Variants in ADAMTS2 observed in about 807,000 individuals in gnomAD.
ADAMTS2 encodes A disintegrin and metalloproteinase with thrombospondin motifs 2.
In ADAMTS2, 50 loss-of-function variants were observed where a neutral mutation model predicts 123.0. The observed-to-expected ratio is 0.41, with a 90% confidence interval of 0.32 to 0.51. The LOEUF is 0.51. ADAMTS2 is among the 20% of genes least tolerant of loss of function. The pLI is 0.35. For synonymous variants in ADAMTS2, 678 were observed against 695.4 expected, an observed-to-expected ratio of 0.98 and a Z score of 0.39; for missense variants, 1,494 against 1,705.2, an observed-to-expected ratio of 0.88 and a Z score of 2.18.
At chr5:179,273,344 T>C (rs1766600092) in intron 2 of ADAMTS2, among the ~76,000 whole-genome samples, 1 of 152,130 alleles carries the variant, frequency 6.6e-6, no homozygotes, top group African/African-American at 2.4e-5. Context: ...ACTGTGTTTA[T>C]AAAGTCAAAA....
At chr5:179,337,944 A>G (rs1378073760) in intron 2 of ADAMTS2, among the ~76,000 whole-genome samples, 1 of 151,340 alleles carries the variant, frequency 6.6e-6, no homozygotes, top group African/African-American at 2.5e-5. Context: ...CCTGGCCTTC[A>G]CCTCCCAGCT....
rs996443150 is a variant in ADAMTS2 at position 179,303,720 on chromosome 5, G to T, written c.535-30656C>A. Among the ~76,000 whole-genome samples, 2 of 152,232 alleles carry T rather than the reference G, an allele frequency of 1.3e-5. No individual in the cohort carries two copies. Among genetic ancestry groups the T allele is most frequent in the Non-Finnish European group, 2.9e-5 (2 of 68,040 alleles). On this transcript the variant is annotated intron_variant, in intron 2 of 21. Coordinates refer to ENST00000251582, the MANE Select transcript of ADAMTS2 (RefSeq NM_014244.5). The surrounding 1 kb of genome is among the most constrained non-coding windows in gnomAD (Gnocchi z 4.7). Reference sequence around the variant, plus strand: ...ACAGGCACCTAAAACTCTAAGAGGGGAGCCTGGCTGTGTAGCTGGAAGTGC... The same window carrying T: ...ACAGGCACCTAAAACTCTAAGAGGGTAGCCTGGCTGTGTAGCTGGAAGTGC...
At position 179,154,029 on chromosome 5, in the gene ADAMTS2, G is replaced by T. The variant is rs1057524448; in HGVS notation, c.1382+20C>A. 5 of 1,591,234 alleles carry T rather than the reference G, an allele frequency of 3.1e-6. No homozygotes were observed. The African/African-American group carries it at 4.0e-5, about 13-fold the overall frequency. On this transcript the variant is annotated intron_variant, in intron 8 of 21. Coordinates refer to ENST00000251582, the MANE Select transcript of ADAMTS2 (RefSeq NM_014244.5). ...CCAGGGACTGAGGGGTCGCCCACGG[G>T]GCACATGGGCAGTACTCACTGCAGG...
chr5:179,322,240 G>A (rs138911550), intron 2 of ADAMTS2, among the ~76,000 whole-genome samples: 54 of 152,346 alleles, frequency 3.5e-4, no homozygotes, highest in South Asian at 3.5e-3. Context: ...CAGGACTGCC[G>A]GTGCTGGGAA....
At chr5:179,220,483 G>A (rs766242549) in intron 3 of ADAMTS2, among the ~76,000 whole-genome samples, 1 of 152,114 alleles carries the variant, frequency 6.6e-6, no homozygotes, top group Non-Finnish European at 1.5e-5. Flanking sequence ...AAGGTCCAGG[G>A]CCTGCTGCCT....
At chr5:179,190,444 C>T (rs535752066) in intron 4 of ADAMTS2, among the ~76,000 whole-genome samples, 68 of 147,890 alleles carry the variant, frequency 4.6e-4, no homozygotes, top group African/African-American at 1.5e-3. Flanking sequence ...GAAGACACAG[C>T]GTCCGAATAA....
In ADAMTS2 at chr5:179,125,159, C is replaced by T. The variant is rs948056759; in HGVS notation, c.2772G>A (p.Glu924=). The T allele has an allele frequency of 1.2e-6, 2 of 1,612,744 alleles. No individual in the cohort carries two copies. The highest frequency in any genetic ancestry group is 1.3e-5 in the African/African-American group (1 of 75,050). ...SQPVWVTGEW[E]PCSQTCGRTG... is the part of the protein sequence containing the mutation. ...TCCGCCCACAGGTCTGGCTACATGGCTCCCATTCGCCTGTGACCCACCTGC... is the reference window on the plus strand; with the variant it reads ...TCCGCCCACAGGTCTGGCTACATGGTTCCCATTCGCCTGTGACCCACCTGC... Residue 924 remains glutamate (E), a synonymous_variant, in exon 19 of 22, where the codon GAG becomes GAA. Transcript: ENST00000251582.
chr5:179,154,791 C>T, intron 7 of ADAMTS2, 23 bp downstream of exon 7: 1 of 1,586,510 alleles, frequency 6.3e-7, no homozygotes, highest in Non-Finnish European at 8.6e-7. Flanking sequence ...CCTCTGTGCC[C>T]CACCCTTCCC....
chr5:179,175,671 C>T lies in ADAMTS2; in HGVS notation c.975+5401G>A, dbSNP rs1319448133. 2.0e-5 allele frequency among the ~76,000 whole-genome samples: 3 copies of T among 152,230 alleles called. No homozygotes were observed. The highest frequency in any genetic ancestry group is 7.2e-5 in the African/African-American group (3 of 41,456). On this transcript the variant is annotated intron_variant, in intron 5 of 21. Transcript: ENST00000251582. The surrounding 1 kb of genome is among the most constrained non-coding windows in gnomAD (Gnocchi z 4.1). The stretch of plus-strand genomic sequence containing the variant: ...CCACATCACCAGACTCCTCTCCTAA[C>T]TCTACAAGTTGTACCGTGGATTCTT...
At chr5:179,193,266 G>T (rs748799421) in intron 4 of ADAMTS2, among the ~76,000 whole-genome samples, 3 of 152,208 alleles carry the variant, frequency 2.0e-5, no homozygotes, top group Admixed American at 2.0e-4. Flanking sequence ...ATCATGGGCC[G>T]AGTGAACAAC....
Position 179,320,645 on chromosome 5 carries a change from C to T in ADAMTS2, c.534+23122G>A, listed in dbSNP as rs183169531. Among the ~76,000 whole-genome samples the T allele has an allele frequency of 2.2e-3, 342 of 152,246 alleles. 2 individuals are homozygous for T. Among genetic ancestry groups the T allele is most frequent in the African/African-American group, 7.4e-3 (309 of 41,530 alleles). On this transcript the variant is annotated intron_variant, in intron 2 of 21. Transcript: ENST00000251582. ...CCCTTCTCCTTCTGATAGCACAGCC[C>T]CTGTGTCACTCAGGAACCAGCTCTC...
intron 4 of ADAMTS2, among the ~76,000 whole-genome samples, chr5:179,198,713 A>G (rs561501950): frequency 4.6e-5 from 7 of 152,160 alleles, no homozygotes; most frequent in African/African-American, 1.7e-4. Flanking sequence ...ACGTGCCAGT[A>G]GTCCCAGGTA....
At chr5:179,241,247 A>T (rs1329967667) in intron 3 of ADAMTS2, among the ~76,000 whole-genome samples, 1 of 152,204 alleles carries the variant, frequency 6.6e-6, no homozygotes, top group African/African-American at 2.4e-5. Flanking sequence ...GTTGCCAGGG[A>T]CAGAGTGCAA....
In ADAMTS2 at chr5:179,132,515, G is replaced by A. The variant is rs988392380; in HGVS notation, c.2210-205C>T. Among the ~76,000 whole-genome samples the A allele has an allele frequency of 1.6e-4, 24 of 152,206 alleles. No homozygotes were observed. The highest frequency in any genetic ancestry group is 4.1e-4 in the African/African-American group (17 of 41,534). ...CAGGCTAGTCTTTAAGGCCCAACCC[G>A]GGCATCCTCATATACTGGCATTCTC... On this transcript the variant is annotated intron_variant, in intron 14 of 21. Coordinates refer to ENST00000251582, the MANE Select transcript of ADAMTS2 (RefSeq NM_014244.5). This position sits in a 1 kb window ranked among gnomAD's most constrained non-coding sequence, Gnocchi z 6.1.
In ADAMTS2 at chr5:179,314,939, G is replaced by A. The variant is rs771238964; in HGVS notation, c.534+28828C>T. On this transcript the variant is annotated intron_variant, in intron 2 of 21. Coordinates refer to ENST00000251582, the MANE Select transcript of ADAMTS2 (RefSeq NM_014244.5). The surrounding 1 kb of genome is among the most constrained non-coding windows in gnomAD (Gnocchi z 4.5). ...GTAACTCTCTTTCCTGACATTAAGC[G>A]ACTCCCCTCCCAGAGCCTAATCACA... 9.9e-5 allele frequency among the ~76,000 whole-genome samples: 15 copies of A among 152,126 alleles called. No individual in the cohort carries two copies. Among genetic ancestry groups the A allele is most frequent in the Middle Eastern group, 6.8e-3 (2 of 294 alleles).
chr5:179,210,345 AG>A (rs1328914602), intron 3 of ADAMTS2, among the ~76,000 whole-genome samples: 1 of 152,236 alleles, frequency 6.6e-6, no homozygotes, highest in Non-Finnish European at 1.5e-5. Flanking sequence ...GCACGTCTTG[AG>A]GCTGCTTCTG....
chr5:179,232,494 C>T (rs1007558076), intron 3 of ADAMTS2, among the ~76,000 whole-genome samples: 6 of 152,236 alleles, frequency 3.9e-5, no homozygotes, highest in Admixed American at 6.5e-5. Flanking sequence ...AGGATATGAA[C>T]CCTGGCATGG....
chr5:179,280,422 G>A (rs1465458852), intron 2 of ADAMTS2, among the ~76,000 whole-genome samples: 1 of 152,198 alleles, frequency 6.6e-6, no homozygotes, highest in Non-Finnish European at 1.5e-5. Context: ...GCAAACTGAG[G>A]AGCTGGACTA....
chr5:179,216,506 G>A (rs113796823), intron 3 of ADAMTS2, among the ~76,000 whole-genome samples: 4,176 of 151,660 alleles, frequency 0.028, 161 homozygotes, highest in African/African-American at 0.084. Context: ...CCGTATTTCC[G>A]CTGCAGGTCC....
Sources: allele counts gnomAD v4.1 joint callset (sites outside exome capture counted in the v4.1 genomes callset), GRCh38; gene constraint gnomAD v4.1.1; non-coding constraint Gnocchi (gnomAD v3.1); transcripts MANE v1.5; gene names NCBI Gene and HGNC (gene_info 2026-07-23, HGNC 2026-07-21).